INPP5D: variants seen among roughly 807,000 people sequenced by gnomAD.
INPP5D encodes the protein phosphatidylinositol 3,4,5-trisphosphate 5-phosphatase 1.
A neutral mutation model predicts 122.9 loss-of-function variants in INPP5D; 33 were observed. The ratio of observed to expected loss-of-function variants is 0.27; its 90% CI spans 0.20 to 0.36. INPP5D has a LOEUF of 0.36. Ranked by LOEUF, INPP5D falls within the 10% of genes least tolerant of loss-of-function variation. The probability of loss-of-function intolerance (pLI) is 1.00; values close to 1 mark genes in which losing one functional copy is unlikely to be tolerated. For synonymous variants in INPP5D, 584 were observed against 576.2 expected (o/e 1.01, Z -0.19); for missense variants, 1,053 against 1,412.7 (o/e 0.75, Z 4.08).
chr2:233,204,924 G>C, intron 26 of INPP5D: 1 of 799,936 alleles, frequency 1.3e-6, no homozygotes, highest in Non-Finnish European at 1.8e-6. Context: ...TTGAACCCAG[G>C]TCTGCCTGTC....
At chr2:233,173,009 G>A (rs975716232) in intron 17 of INPP5D, among the ~76,000 whole-genome samples, 3 of 152,202 alleles carry the variant, frequency 2.0e-5, no homozygotes, top group Non-Finnish European at 2.9e-5. Flanking sequence ...AGGAGTTCAA[G>A]GCCAGCCTGG....
intron 24 of INPP5D, among the ~76,000 whole-genome samples, chr2:233,196,500 C>T (rs962369379): frequency 6.6e-6 from 1 of 152,258 alleles, no homozygotes; most frequent in African/African-American, 2.4e-5. Flanking sequence ...GGCTGTGTCT[C>T]CTGTGGGACA....
At chr2:233,086,133 C>A (rs1190938731) in intron 2 of INPP5D, among the ~76,000 whole-genome samples, 2 of 123,030 alleles carry the variant, frequency 1.6e-5, no homozygotes, top group South Asian at 5.8e-4. Context: ...TTCTTTCTTT[C>A]TTTCTTTCTT....
At chr2:233,169,037 T>C (rs1694418558) in intron 13 of INPP5D, 1 of 443,452 alleles carries the variant, frequency 2.3e-6, no homozygotes. Flanking sequence ...CCCTGGTCAC[T>C]TTAGAGAGAG....
At chr2:233,131,742 T>C (rs11893401) in intron 5 of INPP5D, among the ~76,000 whole-genome samples, 68,340 of 151,964 alleles carry the variant, frequency 0.45, 15,676 homozygotes, top group South Asian at 0.5. Context: ...AACATTTTGA[T>C]TGGAAAAATG....
In INPP5D at chr2:233,100,457, C is replaced by T. The variant is rs373871855; in HGVS notation, c.198+21059C>T. On this transcript the variant is annotated intron_variant, in intron 2 of 26. Coordinates refer to ENST00000445964, the MANE Select transcript of INPP5D (RefSeq NM_001017915.3). This position sits in a 1 kb window ranked among gnomAD's most constrained non-coding sequence, Gnocchi z 5.3. ...CATCTAGCCTCTTGCCTGGGGTGGA[C>T]GTCAAGCTCACTACACTGTAAACTC... is the stretch of plus-strand genomic sequence containing the variant. Among the ~76,000 whole-genome samples, 63 of 152,258 alleles carry T rather than the reference C, an allele frequency of 4.1e-4. 1 individual carries two copies. In the South Asian group the frequency reaches 0.013, roughly 31 times the overall value.
chr2:233,074,285 C>A (rs910925831), intron 1 of INPP5D, among the ~76,000 whole-genome samples: 1 of 152,112 alleles, frequency 6.6e-6, no homozygotes, highest in Non-Finnish European at 1.5e-5. Context: ...AGAGGGGGCG[C>A]CTCATACCTG....
In INPP5D at chr2:233,146,388, G is replaced by C. The variant is rs1210865107; in HGVS notation, c.856G>C (p.Gly286Arg). The C allele has an allele frequency of 1.4e-6, 1 of 704,316 alleles. No homozygotes were observed. The highest frequency in any genetic ancestry group is 2.6e-6 in the Non-Finnish European group (1 of 385,020). 43.6% of individuals were successfully genotyped at this position (704,316 alleles called of 1,614,324 possible). A position where few individuals can be genotyped will look rare whatever the true frequency, so the allele number is the denominator to read the frequency against. The change falls in exon 8 of 27, where the codon GGT (glycine) becomes CGT (arginine). Residue 286 changes from glycine (G) to arginine (R), a missense_variant. Physicochemically the swap from Gly to Arg is moderately radical, Grantham distance 125. Transcript: ENST00000445964. ...EDKVKALLHE[G>R]PESPHRPSLI... ...ACAGGTCAAGGCCTTGCTGCACGAG[G>C]GTCCTGAGTCTCCGCACCGGCCCTC...
chr2:233,204,900 G>A, intron 26 of INPP5D, 183 bp downstream of exon 26: 1 of 1,008,758 alleles, frequency 9.9e-7, no homozygotes, highest in Non-Finnish European at 1.4e-6. Flanking sequence ...TCCATGAGAA[G>A]GGAGAGTCAG....
intron 2 of INPP5D, among the ~76,000 whole-genome samples, chr2:233,089,951 G>A (rs778221819): frequency 1.8e-4 from 27 of 152,232 alleles, no homozygotes; most frequent in African/African-American, 5.5e-4. Context: ...AACCCTCTGA[G>A]AGGCGCCCAG....
At chr2:233,149,577 T>C (rs1220426213) in intron 9 of INPP5D, among the ~76,000 whole-genome samples, 3 of 152,110 alleles carry the variant, frequency 2.0e-5, no homozygotes, top group African/African-American at 7.2e-5. Flanking sequence ...TTTAGAGGAA[T>C]GTCAGAGGGT....
chr2:233,179,724 G>A (rs951901672), intron 18 of INPP5D, among the ~76,000 whole-genome samples: 2 of 152,158 alleles, frequency 1.3e-5, no homozygotes, highest in Admixed American at 6.5e-5. Context: ...CAGTAGAAGC[G>A]TTTAATGAGT....
rs1695151583 is a variant in INPP5D, at chr2:233,195,289, C to G, written c.2597-110C>G. ...TGCTTAACTCACCTCTCCAGGTACT[C>G]ACTATTCACTGTGCAGCTTCAGCCT... On this transcript the variant is annotated intron_variant, in intron 23 of 26. Transcript: ENST00000445964. 4 of 1,535,080 alleles carry G rather than the reference C, an allele frequency of 2.6e-6. No homozygotes were observed. The South Asian group carries it at 3.4e-5, about 13-fold the overall frequency.
intron 2 of INPP5D, among the ~76,000 whole-genome samples, chr2:233,119,931 G>A (rs746940745): frequency 2.3e-4 from 35 of 152,146 alleles, no homozygotes; most frequent in African/African-American, 7.0e-4. Flanking sequence ...ACCTGCCCAC[G>A]TCAATCCCAA....
intron 1 of INPP5D, 108 bp downstream of exon 1, chr2:233,060,720 A>G (rs1691048633): frequency 1.4e-6 from 2 of 1,400,940 alleles, no homozygotes; most frequent in Non-Finnish European, 2.0e-6. Flanking sequence ...GTGATCTGAC[A>G]TGCACACTTC....
intron 2 of INPP5D, among the ~76,000 whole-genome samples, chr2:233,086,185 CTTTCCTTTTT>C (rs1691841866): frequency 7.4e-6 from 1 of 134,442 alleles, no homozygotes; most frequent in Admixed American, 7.6e-5. Context: ...TTCTTTCTTT[CTTTCCTTTTT>C]GAGACAGAGT....
intron 2 of INPP5D, among the ~76,000 whole-genome samples, chr2:233,116,686 G>A (rs1692808358): frequency 6.6e-6 from 1 of 151,902 alleles, no homozygotes; most frequent in South Asian, 2.1e-4. Flanking sequence ...AACCACTGCT[G>A]CTTGGGTTCA....
At chr2:233,192,992 A>G (rs771505341) in intron 22 of INPP5D, among the ~76,000 whole-genome samples, 22 of 152,168 alleles carry the variant, frequency 1.4e-4, no homozygotes, top group Non-Finnish European at 2.4e-4. Flanking sequence ...GATTCAAGAG[A>G]TTCTCCTGCC....
At chr2:233,154,651 T>C (rs1559322743) in intron 9 of INPP5D, among the ~76,000 whole-genome samples, 1 of 152,234 alleles carries the variant, frequency 6.6e-6, no homozygotes, top group Non-Finnish European at 1.5e-5. Context: ...ATTAACTTCT[T>C]TTAATTTATA....
Sources: gnomAD v4.1 joint callset for allele counts (sites outside exome capture counted in the v4.1 genomes callset) on GRCh38, gnomAD v4.1.1 for gene constraint, Gnocchi (gnomAD v3.1) non-coding constraint, MANE v1.5 for transcripts, NCBI Gene and HGNC (gene_info 2026-07-23, HGNC 2026-07-21) for gene names.